Variants in AGBL4 observed in about 807,000 individuals in gnomAD.
The protein encoded by AGBL4 is cytosolic carboxypeptidase 6.
In AGBL4, 58 loss-of-function variants were observed where a neutral mutation model predicts 66.4. The ratio of observed to expected loss-of-function variants is 0.87; its 90% confidence interval spans 0.71 to 1.09. AGBL4 has a LOEUF of 1.09. AGBL4 is among the 50% of genes least tolerant of loss of function. The probability of loss-of-function intolerance (pLI) is 0.00; values close to 1 mark genes in which losing one functional copy is unlikely to be tolerated. For synonymous variants in AGBL4, 234 were observed against 222.9 expected, an observed-to-expected ratio of 1.05 and a Z score of -0.44; for missense variants, 579 against 631.0, an observed-to-expected ratio of 0.92 and a Z score of 0.88.
At chr1:49,726,600 G>A (rs1649048847) in intron 2 of AGBL4, among the ~76,000 whole-genome samples, 1 of 152,114 alleles carries the variant, frequency 6.6e-6, no homozygotes, top group Admixed American at 6.6e-5. Context: ...GCAAAGGTCA[G>A]GACTTTCTGA....
At chr1:49,356,065 A>C (rs1057356813) in intron 3 of AGBL4, among the ~76,000 whole-genome samples, 2 of 152,148 alleles carry the variant, frequency 1.3e-5, no homozygotes, top group Non-Finnish European at 2.9e-5. Flanking sequence ...AAATATAAAA[A>C]AATTTTGTCT....
At chr1:48,966,850 C>T (rs1201035314) in intron 5 of AGBL4, among the ~76,000 whole-genome samples, 1 of 151,944 alleles carries the variant, frequency 6.6e-6, no homozygotes, top group Non-Finnish European at 1.5e-5. Flanking sequence ...ATACACCAGG[C>T]AGAAAAATTT....
intron 3 of AGBL4, among the ~76,000 whole-genome samples, chr1:49,574,989 C>T (rs1644407823): frequency 6.6e-6 from 1 of 152,106 alleles, no homozygotes; most frequent in African/African-American, 2.4e-5. Context: ...CCCAGAACCC[C>T]TTGAATGAAG....
chr1:48,891,985 T>C (rs1651018322), intron 5 of AGBL4, among the ~76,000 whole-genome samples: 1 of 140,762 alleles, frequency 7.1e-6, no homozygotes, highest in South Asian at 2.2e-4. Flanking sequence ...CCATAACAAA[T>C]TACTACAAAC....
At chr1:48,912,307 A>G (rs571169787) in intron 5 of AGBL4, among the ~76,000 whole-genome samples, 1 of 152,316 alleles carries the variant, frequency 6.6e-6, no homozygotes, top group South Asian at 2.1e-4. Context: ...CTTATCTATG[A>G]CAAACATCTG....
chr1:48,807,153 C>T (rs930469310), intron 6 of AGBL4, among the ~76,000 whole-genome samples: 3 of 152,228 alleles, frequency 2.0e-5, no homozygotes, highest in Non-Finnish European at 2.9e-5. Context: ...AGGAAGTTTT[C>T]TGTGCTTTCT....
At chr1:49,605,347 G>A (rs1645044690) in intron 3 of AGBL4, among the ~76,000 whole-genome samples, 1 of 152,130 alleles carries the variant, frequency 6.6e-6, no homozygotes, top group Non-Finnish European at 1.5e-5. Context: ...TCTTAGGTCA[G>A]CATGATTTAT....
intron 3 of AGBL4, among the ~76,000 whole-genome samples, chr1:49,288,132 C>G (rs1053078535): frequency 1.1e-4 from 16 of 143,070 alleles, no homozygotes; most frequent in Non-Finnish European, 1.7e-4. Context: ...CCAAACACCA[C>G]ATATTCTCAC....
chr1:48,893,666 C>T (rs561979829), intron 5 of AGBL4, among the ~76,000 whole-genome samples: 1 of 150,732 alleles, frequency 6.6e-6, no homozygotes, highest in East Asian at 2.0e-4. Context: ...GCCTGGGCAA[C>T]AGAGTGAGAC....
At chr1:48,859,644 A>T (rs572627956) in intron 6 of AGBL4, among the ~76,000 whole-genome samples, 2 of 152,364 alleles carry the variant, frequency 1.3e-5, no homozygotes, top group South Asian at 4.1e-4. Flanking sequence ...CACAAAAGAT[A>T]CAAAGCATAA....
At chr1:48,752,205 CA>C (rs763535917) in intron 6 of AGBL4, among the ~76,000 whole-genome samples, 5 of 152,022 alleles carry the variant, frequency 3.3e-5, no homozygotes, top group Non-Finnish European at 7.4e-5. Context: ...TCTCAAAGCC[CA>C]ACTTTTTTAT....
intron 2 of AGBL4, among the ~76,000 whole-genome samples, chr1:49,713,626 A>G (rs1647843665): frequency 6.6e-6 from 1 of 152,038 alleles, no homozygotes; most frequent in African/African-American, 2.4e-5. Flanking sequence ...ATATACACAC[A>G]CATACATAAA....
At chr1:49,913,055 C>A (rs1651015110) in intron 1 of AGBL4, among the ~76,000 whole-genome samples, 1 of 152,144 alleles carries the variant, frequency 6.6e-6, no homozygotes, top group Non-Finnish European at 1.5e-5. Flanking sequence ...CTGCTGGCAC[C>A]CCAAATCTCA....
intron 5 of AGBL4, among the ~76,000 whole-genome samples, chr1:48,930,671 C>T (rs866802980): frequency 1.5e-4 from 23 of 152,162 alleles, no homozygotes; most frequent in East Asian, 5.8e-4. Flanking sequence ...TAAATGCTCA[C>T]GTGCTGATTA....
chr1:48,835,181 T>C (rs1558028065), intron 6 of AGBL4, among the ~76,000 whole-genome samples: 1 of 152,156 alleles, frequency 6.6e-6, no homozygotes, highest in South Asian at 2.1e-4. Flanking sequence ...GGTTTGGCCC[T>C]ACTCAGTGAG....
intron 2 of AGBL4, among the ~76,000 whole-genome samples, chr1:49,740,607 G>C (rs1159610513): frequency 1.3e-5 from 2 of 152,126 alleles, no homozygotes; most frequent in African/African-American, 4.8e-5. Context: ...ATTCTTTTCA[G>C]CACCACACCA....
At chr1:49,882,062 A>G (rs1426785331) in intron 1 of AGBL4, among the ~76,000 whole-genome samples, 16 of 152,064 alleles carry the variant, frequency 1.1e-4, no homozygotes, top group East Asian at 9.7e-4. Flanking sequence ...ATTGATTTTC[A>G]TATAAGGTGT....
intron 4 of AGBL4, among the ~76,000 whole-genome samples, chr1:49,070,274 T>C (rs1644574466): frequency 6.6e-6 from 1 of 151,950 alleles, no homozygotes; most frequent in South Asian, 2.1e-4. Context: ...CTATGTTGAA[T>C]AGGAGTGGTG....
At chr1:49,595,967 T>C (rs1253898827) in intron 3 of AGBL4, among the ~76,000 whole-genome samples, 1 of 152,066 alleles carries the variant, frequency 6.6e-6, no homozygotes. Flanking sequence ...TCCCAAGATC[T>C]CTCACCTCTT....
Sources: gnomAD v4.1 joint callset for allele counts (sites outside exome capture counted in the v4.1 genomes callset) on GRCh38, gnomAD v4.1.1 for gene constraint, MANE v1.5 for transcripts, NCBI Gene and HGNC (gene_info 2026-07-23, HGNC 2026-07-21) for gene names.